The following PPP1R1C variants were observed in gnomAD, a reference collection of about 807,000 sequenced individuals.
The protein encoded by PPP1R1C is protein phosphatase 1 regulatory inhibitor subunit 1C.
Under a neutral mutation model 17.4 loss-of-function variants are expected in PPP1R1C, and 15 were observed. That is an observed-to-expected ratio of 0.86 (90% CI 0.58 to 1.33). PPP1R1C has a LOEUF of 1.33. Ranked by LOEUF, PPP1R1C falls within the 40% of genes most tolerant of loss-of-function variation. The pLI is 0.00. For missense variants in PPP1R1C, 143 were observed against 130.0 expected, an observed-to-expected ratio of 1.10 and a Z score of -0.48; for synonymous variants, 35 against 43.1, an observed-to-expected ratio of 0.81 and a Z score of 0.73.
chr2:182,044,612 C>T (rs1224444592), intron 2 of PPP1R1C, among the ~76,000 whole-genome samples: 3 of 152,168 alleles, frequency 2.0e-5, no homozygotes, highest in Admixed American at 6.5e-5. Flanking sequence ...ATATGCTTCT[C>T]GCACACTCGG....
At chr2:182,005,572 G>A (rs1685895574) in intron 2 of PPP1R1C, among the ~76,000 whole-genome samples, 1 of 152,184 alleles carries the variant, frequency 6.6e-6, no homozygotes, top group African/African-American at 2.4e-5. Flanking sequence ...GAAGATTTGT[G>A]AGTTAGAAGT....
At chr2:181,982,698 AG>A (rs757904474), upstream of PPP1R1C, among the ~76,000 whole-genome samples, 2 of 152,134 alleles carry the variant, frequency 1.3e-5, no homozygotes, top group Non-Finnish European at 2.9e-5. Flanking sequence ...CCAGGGAGGT[AG>A]GGGAGGCCAC....
At position 182,076,197 on chromosome 2, in the gene PPP1R1C, C is replaced by CTTTTTTTTTTTTTTT. The variant is rs1165789924; in HGVS notation, c.241+12433_241+12447dup. Among the ~76,000 whole-genome samples the CTTTTTTTTTTTTTTT allele has an allele frequency of 2.6e-3, 66 of 25,860 alleles. 15 individuals are homozygous for CTTTTTTTTTTTTTTT. Among genetic ancestry groups the CTTTTTTTTTTTTTTT allele is most frequent in the East Asian group, 5.9e-3 (4 of 676 alleles). The allele number at this position is 25,860 out of a possible 152,430, so 17.0% of individuals were successfully genotyped here. ...GATTTTGAACTTTTTTTTTTCTTTT[C>CTTTTTTTTTTTTTTT]TTTTTTTTTTTTTTTTTTTTTTTTT... On this transcript the variant is annotated intron_variant, in intron 4 of 4. Coordinates refer to ENST00000682840, the MANE Select transcript of PPP1R1C (RefSeq NM_001080545.3).
At chr2:182,103,905 G>T (rs777232066) in intron 4 of PPP1R1C, 12 of 152,050 alleles carry the variant, frequency 7.9e-5, no homozygotes, top group Admixed American at 7.9e-4. Context: ...TCACACTTTC[G>T]ATAAAAGAAA....
intron 2 of PPP1R1C, among the ~76,000 whole-genome samples, chr2:182,019,547 C>T (rs984626584): frequency 3.3e-5 from 5 of 152,160 alleles, no homozygotes; most frequent in Admixed American, 6.5e-5. Context: ...CCTTTAGAAG[C>T]GTCCCAAAAT....
intron 4 of PPP1R1C, among the ~76,000 whole-genome samples, chr2:182,100,433 C>G (rs1206974501): frequency 6.6e-6 from 1 of 151,066 alleles, no homozygotes; most frequent in Admixed American, 6.6e-5. Context: ...TCGCTTGAAC[C>G]TGGGAGGTGG....
intron 2 of PPP1R1C, among the ~76,000 whole-genome samples, chr2:182,059,742 A>C (rs1687795882): frequency 6.7e-6 from 1 of 149,366 alleles, no homozygotes. Flanking sequence ...ACAACAACAA[A>C]ACAAACCTTT....
upstream of PPP1R1C, among the ~76,000 whole-genome samples, chr2:181,981,554 C>T (rs1198697914): frequency 6.6e-6 from 1 of 152,118 alleles, no homozygotes; most frequent in Non-Finnish European, 1.5e-5. Context: ...ACTTATATTA[C>T]TGGGATTCGA....
Position 181,967,335 on chromosome 2 carries a change from A to G in PPP1R1C, n.112-7884A>G, listed in dbSNP as rs952773580. On this transcript the variant is annotated intron_variant and non_coding_transcript_variant, in intron 1 of 5. Coordinates refer to the PPP1R1C transcript ENST00000464264. This position sits in a 1 kb window ranked among gnomAD's most constrained non-coding sequence, Gnocchi z 5.5. ...CTGTGGGGTTTTTTTTCTTGTACTAATTTTGGGTTTGGTTTGCTCTTGATT... is the reference window on the plus strand; with the variant it reads ...CTGTGGGGTTTTTTTTCTTGTACTAGTTTTGGGTTTGGTTTGCTCTTGATT... 6.6e-6 allele frequency among the ~76,000 whole-genome samples: 1 copy of G among 151,270 alleles called. No individual in the cohort carries two copies. Among genetic ancestry groups the G allele is most frequent in the African/African-American group, 2.4e-5 (1 of 41,150 alleles).
chr2:181,965,150 A>G (rs966734508), intron 1 of PPP1R1C, among the ~76,000 whole-genome samples: 2 of 151,972 alleles, frequency 1.3e-5, no homozygotes, highest in Non-Finnish European at 2.9e-5. Flanking sequence ...GGATTATTAG[A>G]TTTTTTTCCT....
chr2:182,117,261 G>A lies in PPP1R1C; in HGVS notation c.296G>A (p.Gly99Asp), dbSNP rs1349513350. 1.9e-6 allele frequency: 3 copies of A among 1,564,460 alleles called. No individual in the cohort carries two copies. The highest frequency in any genetic ancestry group is 2.6e-6 in the Non-Finnish European group (3 of 1,154,042). The change falls in exon 5 of 5, where the codon GGC (glycine) becomes GAC (aspartate). Residue 99 changes from glycine (G) to aspartate (D), a missense_variant. Physicochemically the swap from Gly to Asp is moderately conservative, Grantham distance 94. Coordinates refer to ENST00000682840, the MANE Select transcript of PPP1R1C (RefSeq NM_001080545.3). ...TCAGCATTCCCTGAAGAAGAAGAAG[G>A]CACCAATGAAAGAGAGGAGCAGCGG... ...NESAFPEEEE[G>D]TNEREEQRDH
intron 4 of PPP1R1C, among the ~76,000 whole-genome samples, chr2:182,112,152 C>A (rs961373844): frequency 6.6e-6 from 1 of 152,104 alleles, no homozygotes; most frequent in Non-Finnish European, 1.5e-5. Flanking sequence ...GTACCTGTTT[C>A]TTTTTCATGC....
At chr2:181,970,038 C>T (rs1261091400) in intron 1 of PPP1R1C, among the ~76,000 whole-genome samples, 1 of 152,074 alleles carries the variant, frequency 6.6e-6, no homozygotes, top group Non-Finnish European at 1.5e-5. Context: ...ATTGAAGTTG[C>T]TCAAAACAGC....
chr2:182,124,585 T>G (rs988317774), intron 5 of PPP1R1C, among the ~76,000 whole-genome samples: 11 of 152,122 alleles, frequency 7.2e-5, no homozygotes, highest in Non-Finnish European at 1.5e-4. Context: ...AGCAGTGGTT[T>G]GTAGTTCTCC....
At chr2:182,116,147 T>G (rs562312277) in intron 4 of PPP1R1C, among the ~76,000 whole-genome samples, 1 of 152,316 alleles carries the variant, frequency 6.6e-6, no homozygotes, top group Middle Eastern at 3.4e-3. Context: ...TAGATTATTG[T>G]GGAACTGCCA....
At chr2:181,994,742 A>G (rs10176914) in intron 2 of PPP1R1C, among the ~76,000 whole-genome samples, 44,203 of 152,072 alleles carry the variant, frequency 0.29, 6,693 homozygotes, top group Middle Eastern at 0.36. Context: ...GGTAACAGAG[A>G]ATATTATGTC....
chr2:182,094,204 CT>C (rs1260098097), intron 4 of PPP1R1C, among the ~76,000 whole-genome samples: 1 of 152,158 alleles, frequency 6.6e-6, no homozygotes, highest in Non-Finnish European at 1.5e-5. Context: ...AAAAAAAGAG[CT>C]TGTGCAGAGA....
chr2:182,086,742 T>C (rs1559087340), intron 4 of PPP1R1C, among the ~76,000 whole-genome samples: 1 of 152,190 alleles, frequency 6.6e-6, no homozygotes, highest in Non-Finnish European at 1.5e-5. Context: ...ATATGTACAC[T>C]ATACTAATGA....
At chr2:182,028,564 G>A (rs1686701729) in intron 2 of PPP1R1C, among the ~76,000 whole-genome samples, 1 of 152,136 alleles carries the variant, frequency 6.6e-6, no homozygotes, top group African/African-American at 2.4e-5. Flanking sequence ...TGATTGCATT[G>A]TGGTCTGAGA....
Sources: allele counts gnomAD v4.1 joint callset (sites outside exome capture counted in the v4.1 genomes callset), GRCh38; gene constraint gnomAD v4.1.1; non-coding constraint Gnocchi (gnomAD v3.1); transcripts MANE v1.5; gene names NCBI Gene and HGNC (gene_info 2026-07-23, HGNC 2026-07-21).